Variants in RBPJ observed in about 807,000 individuals in gnomAD.
RBPJ encodes recombination signal binding protein for immunoglobulin kappa J region.
Under a neutral mutation model 67.8 loss-of-function variants are expected in RBPJ, and 9 were observed. The observed-to-expected ratio is 0.13, with a 90% confidence interval of 0.08 to 0.23. RBPJ has a LOEUF of 0.23. RBPJ is among the 10% of genes least tolerant of loss of function. RBPJ has a pLI of 1.00. For missense variants in RBPJ, 305 were observed against 595.6 expected (o/e 0.51, Z 5.08); for synonymous variants, 198 against 203.3 (o/e 0.97, Z 0.22).
At chr4:26,355,377 G>A (rs990879259) in intron 1 of RBPJ, among the ~76,000 whole-genome samples, 4 of 151,818 alleles carry the variant, frequency 2.6e-5, no homozygotes, top group Admixed American at 1.3e-4. Context: ...CCTATTATAA[G>A]GCTAAGTGTG....
chr4:26,368,848 G>T (rs1039141726), intron 1 of RBPJ, among the ~76,000 whole-genome samples: 3 of 152,226 alleles, frequency 2.0e-5, no homozygotes, highest in East Asian at 1.9e-4. Context: ...ATAGGCCAGA[G>T]ATAAATGACA....
At chr4:26,293,116 C>G (rs1721727387) in intron 1 of RBPJ, among the ~76,000 whole-genome samples, 1 of 150,282 alleles carries the variant, frequency 6.7e-6, no homozygotes, top group Non-Finnish European at 1.5e-5. Context: ...AGAAGCCACA[C>G]TCTGAAGGGG....
intron 1 of RBPJ, among the ~76,000 whole-genome samples, chr4:26,181,403 A>G (rs889278922): frequency 1.3e-5 from 2 of 152,150 alleles, no homozygotes; most frequent in Non-Finnish European, 2.9e-5. Context: ...ATAACTCCTA[A>G]ATTCTGCCCT....
intron 1 of RBPJ, chr4:26,368,151 C>A (rs1184905072): frequency 6.6e-6 from 1 of 152,078 alleles, no homozygotes; most frequent in Non-Finnish European, 1.5e-5. Flanking sequence ...TGTTAACTAC[C>A]CTGATGATGG....
chr4:26,185,119 G>A (rs931589097), intron 1 of RBPJ, among the ~76,000 whole-genome samples: 7 of 151,108 alleles, frequency 4.6e-5, no homozygotes, highest in African/African-American at 1.5e-4. Flanking sequence ...TCCAGCCTAG[G>A]GGATAGAGTG....
At chr4:26,105,552 T>G in the RBPJ span, among the ~76,000 whole-genome samples, 8 of 152,258 alleles carry the variant, frequency 5.3e-5, 1 homozygote, top group South Asian at 8.3e-4. Context: ...CTGGCAAAAC[T>G]AGGCCAGAAG....
chr4:26,245,203 A>ATTTTTTT (rs869234645), intron 1 of RBPJ, among the ~76,000 whole-genome samples: 65 of 98,404 alleles, frequency 6.6e-4, no homozygotes, highest in East Asian at 1.2e-3. Context: ...TCACTATTGT[A>ATTTTTTT]TTTTTTTTTT....
At chr4:26,351,393 T>A (rs1028416322) in intron 1 of RBPJ, among the ~76,000 whole-genome samples, 2 of 152,158 alleles carry the variant, frequency 1.3e-5, no homozygotes, top group African/African-American at 2.4e-5. Context: ...CTGAGAATGC[T>A]TTGTTTATTT....
chr4:26,215,278 G>A (rs148333071), intron 1 of RBPJ, among the ~76,000 whole-genome samples: 1 of 64,048 alleles, frequency 1.6e-5, no homozygotes, highest in Non-Finnish European at 2.7e-5. Flanking sequence ...GGAGGAAAAA[G>A]AGAGAGAAAG....
chr4:26,160,127 C>G (rs920259736), upstream of RBPJ, among the ~76,000 whole-genome samples: 3 of 151,866 alleles, frequency 2.0e-5, no homozygotes, highest in African/African-American at 7.3e-5. Context: ...ACCGTGTTAG[C>G]CAGGGTGGTC....
chr4:26,244,778 C>T (rs1015983661), intron 1 of RBPJ, among the ~76,000 whole-genome samples: 4 of 151,890 alleles, frequency 2.6e-5, no homozygotes, highest in African/African-American at 9.7e-5. Context: ...GCACACACCA[C>T]TTCAGGCCCA....
chr4:26,156,703 C>T, the RBPJ span, among the ~76,000 whole-genome samples: 1 of 152,088 alleles, frequency 6.6e-6, no homozygotes, highest in African/African-American at 2.4e-5. Flanking sequence ...GATCCATCCA[C>T]GTCGGCCTCC....
intron 3 of RBPJ, chr4:26,409,959 T>A (rs1257404441): frequency 2.4e-6 from 1 of 419,286 alleles, no homozygotes; most frequent in East Asian, 7.3e-5. Context: ...TGATTTGTAT[T>A]GTTAAAAATT....
At chr4:26,121,490 GACC>G in the RBPJ span, among the ~76,000 whole-genome samples, 1 of 152,006 alleles carries the variant, frequency 6.6e-6, no homozygotes, top group South Asian at 2.1e-4. Flanking sequence ...AGTTGTTCAT[GACC>G]CCCTAAGAAG....
chr4:26,130,330 T>C, the RBPJ span, among the ~76,000 whole-genome samples: 8 of 152,262 alleles, frequency 5.3e-5, no homozygotes, highest in African/African-American at 1.9e-4. Flanking sequence ...CAAGGAGTGG[T>C]TACATCTTCT....
rs566161533 is a variant in RBPJ at position 26,398,407 on chromosome 4, C to G, written c.60-7768C>G. Among the ~76,000 whole-genome samples, 6 of 152,300 alleles carry G rather than the reference C, an allele frequency of 3.9e-5. No homozygotes were observed. The East Asian group carries it at 9.7e-4, about 25-fold the overall frequency. ...CCATAAGGACACCGCAAACTCACCG[C>G]TATAATTAATGTCCTAGCGGGAGAT... On this transcript the variant is annotated intron_variant, in intron 2 of 10. Transcript: ENST00000355476.
chr4:26,350,255 A>C (rs1427110117), intron 1 of RBPJ, among the ~76,000 whole-genome samples: 1 of 152,202 alleles, frequency 6.6e-6, no homozygotes, highest in Non-Finnish European at 1.5e-5. Context: ...CAAATTTCTC[A>C]CACTAGATAA....
intron 1 of RBPJ, among the ~76,000 whole-genome samples, chr4:26,274,987 T>C (rs935085604): frequency 2.0e-5 from 3 of 151,744 alleles, no homozygotes; most frequent in Non-Finnish European, 4.4e-5. Context: ...AGGAAAAAAG[T>C]TTCTAAAGTA....
intron 1 of RBPJ, among the ~76,000 whole-genome samples, chr4:26,313,449 C>T (rs543151821): frequency 9.8e-4 from 149 of 152,070 alleles, no homozygotes; most frequent in African/African-American, 3.5e-3. Flanking sequence ...AGGCGGATCA[C>T]GAGGTCAGGA....
Sources: gnomAD v4.1 joint callset for allele counts (sites outside exome capture counted in the v4.1 genomes callset) on GRCh38, gnomAD v4.1.1 for gene constraint, MANE v1.5 for transcripts, NCBI Gene and HGNC (gene_info 2026-07-23, HGNC 2026-07-21) for gene names.